Variants in KHDRBS3 observed in about 807,000 individuals in gnomAD.
KHDRBS3 encodes the protein KH RNA binding domain containing, signal transduction associated 3, also known as KH domain-containing, RNA-binding, signal transduction-associated protein 3.
A neutral mutation model predicts 45.6 loss-of-function variants in KHDRBS3; 23 were observed. The ratio of observed to expected loss-of-function variants is 0.50; its 90% CI spans 0.36 to 0.72. The LOEUF is 0.72. Ranked by LOEUF, KHDRBS3 falls within the 30% of genes least tolerant of loss-of-function variation. KHDRBS3 has a pLI of 0.00. For missense variants in KHDRBS3, 352 were observed against 424.8 expected (o/e 0.83, Z 1.51); for synonymous variants, 162 against 156.5 (o/e 1.04, Z -0.26).
At chr8:135,542,616 A>G (rs368457118) in intron 2 of KHDRBS3, 38 bp from the exon 3 acceptor site, 80 of 1,321,586 alleles carry the variant, frequency 6.1e-5, no homozygotes, top group Admixed American at 1.2e-4. Context: ...TTGCTTTCAC[A>G]TATAAATGCT....
rs566745189 is a variant in KHDRBS3 at position 135,608,993 on chromosome 8, T to C, written c.890+1956T>C. ...CAGCTCGAAGGACTGGAAGTTGCTC[T>C]TGGGTGAGTCAGTGAGTGAGTGGTG... is the stretch of plus-strand genomic sequence containing the variant. On this transcript the variant is annotated intron_variant, in intron 7 of 8. Transcript: ENST00000355849. Among the ~76,000 whole-genome samples, 6 of 152,336 alleles carry C rather than the reference T, an allele frequency of 3.9e-5. No individual in the cohort carries two copies. The East Asian group carries it at 5.8e-4, about 15-fold the overall frequency.
intron 6 of KHDRBS3, among the ~76,000 whole-genome samples, chr8:135,598,905 A>G (rs1029990093): frequency 3.3e-5 from 5 of 152,338 alleles, no homozygotes; most frequent in African/African-American, 4.8e-5. Flanking sequence ...GCATAATTAC[A>G]GTCTTTTAAA....
rs1489781872 is a variant in KHDRBS3 at position 135,599,961 on chromosome 8, T to C, written c.808-6994T>C. Among the ~76,000 whole-genome samples the C allele has an allele frequency of 2.0e-5, 3 of 148,154 alleles. No individual in the cohort carries two copies. The East Asian group carries it at 6.0e-4, about 30-fold the overall frequency. ...GCACCAGGCAGCAGTGGCAGGCACC[T>C]CCCTCACAGCACCAGGCAGCAGTGG... On this transcript the variant is annotated intron_variant, in intron 6 of 8. Transcript: ENST00000355849.
chr8:135,541,408 A>C (rs1049113132), intron 2 of KHDRBS3: 2 of 152,214 alleles, frequency 1.3e-5, no homozygotes, highest in African/African-American at 4.8e-5. Context: ...AAAATATTTT[A>C]CTGAAAATGG....
chr8:135,556,896 A>G (rs1208793685), intron 4 of KHDRBS3, among the ~76,000 whole-genome samples: 2 of 152,240 alleles, frequency 1.3e-5, no homozygotes. Context: ...TTATGTGTTC[A>G]ATTCTGAAAA....
At chr8:135,568,446 G>A (rs181945216) in intron 5 of KHDRBS3, among the ~76,000 whole-genome samples, 151 of 152,072 alleles carry the variant, frequency 9.9e-4, no homozygotes, top group African/African-American at 3.6e-3. Context: ...ATCTGTAAAC[G>A]TACTGGAAAT....
At chr8:135,535,698 A>G (rs1825711682) in intron 2 of KHDRBS3, among the ~76,000 whole-genome samples, 1 of 152,152 alleles carries the variant, frequency 6.6e-6, no homozygotes, top group Admixed American at 6.5e-5. Context: ...AAATACCAGA[A>G]GGTATCCCAG....
At chr8:135,498,592 C>T (rs1823577395) in intron 1 of KHDRBS3, among the ~76,000 whole-genome samples, 1 of 152,102 alleles carries the variant, frequency 6.6e-6, no homozygotes, top group Non-Finnish European at 1.5e-5. Context: ...CTTTGTTTTT[C>T]TTGTTTCTGG....
chr8:135,469,754 C>A (rs1390992229), intron 1 of KHDRBS3, among the ~76,000 whole-genome samples: 3 of 152,118 alleles, frequency 2.0e-5, no homozygotes, highest in Non-Finnish European at 1.5e-5. Flanking sequence ...GTCTCAAACT[C>A]CTGACCTCGT....
intron 1 of KHDRBS3, among the ~76,000 whole-genome samples, chr8:135,479,768 G>C (rs760566555): frequency 6.6e-6 from 1 of 152,096 alleles, no homozygotes; most frequent in East Asian, 1.9e-4. Context: ...TGAATATTGC[G>C]GGGACACAAA....
chr8:135,551,744 T>C (rs1467233100), intron 4 of KHDRBS3, among the ~76,000 whole-genome samples: 2 of 152,152 alleles, frequency 1.3e-5, no homozygotes, highest in East Asian at 1.9e-4. Context: ...TATTAACTTA[T>C]ACTATTTTGG....
chr8:135,627,922 C>T (rs1277978309), intron 7 of KHDRBS3, among the ~76,000 whole-genome samples: 1 of 152,128 alleles, frequency 6.6e-6, no homozygotes, highest in Non-Finnish European at 1.5e-5. Context: ...GAAAAAAAAT[C>T]TACACTTGGC....
intron 1 of KHDRBS3, among the ~76,000 whole-genome samples, chr8:135,510,639 T>A (rs1824234020): frequency 6.6e-6 from 1 of 152,218 alleles, no homozygotes; most frequent in Non-Finnish European, 1.5e-5. Context: ...TTCACCGTGT[T>A]GGCCAAGATG....
intron 7 of KHDRBS3, among the ~76,000 whole-genome samples, chr8:135,620,923 A>G (rs1358143747): frequency 2.0e-5 from 3 of 152,146 alleles, no homozygotes; most frequent in African/African-American, 7.2e-5. Flanking sequence ...ACTCATGTTT[A>G]TATCACCAAC....
chr8:135,544,264 A>C (rs147102411), intron 3 of KHDRBS3, among the ~76,000 whole-genome samples: 79 of 152,266 alleles, frequency 5.2e-4, no homozygotes, highest in Middle Eastern at 3.4e-3. Flanking sequence ...GGTCAGAAGC[A>C]GTGTTTTGTA....
At chr8:135,563,325 A>T (rs1030223196) in intron 5 of KHDRBS3, among the ~76,000 whole-genome samples, 6 of 152,124 alleles carry the variant, frequency 3.9e-5, no homozygotes, top group Non-Finnish European at 7.4e-5. Flanking sequence ...CAGATCCTTC[A>T]CATTTATTCT....
intron 2 of KHDRBS3, among the ~76,000 whole-genome samples, chr8:135,527,162 G>T (rs1263331669): frequency 1.3e-5 from 2 of 152,170 alleles, no homozygotes; most frequent in East Asian, 3.8e-4. Flanking sequence ...CTCTGAGCCA[G>T]ACATTGTTCT....
At chr8:135,650,498 G>A (rs146451277), downstream of KHDRBS3, among the ~76,000 whole-genome samples, 4 of 152,292 alleles carry the variant, frequency 2.6e-5, no homozygotes, top group Admixed American at 1.3e-4. Context: ...AATCCTCACA[G>A]CCATAAGAAG....
At chr8:135,634,047 C>T (rs1030660784) in intron 7 of KHDRBS3, among the ~76,000 whole-genome samples, 1 of 152,204 alleles carries the variant, frequency 6.6e-6, no homozygotes, top group Non-Finnish European at 1.5e-5. Context: ...TCCCTCCCCT[C>T]AACCCCTGTC....
Sources: allele counts gnomAD v4.1 joint callset (sites outside exome capture counted in the v4.1 genomes callset), GRCh38; gene constraint gnomAD v4.1.1; transcripts MANE v1.5; gene names NCBI Gene and HGNC (gene_info 2026-07-23, HGNC 2026-07-21).